Variants in NAV2 observed in about 807,000 individuals in gnomAD.
NAV2 encodes neuron navigator 2, also known as helicase, APC down-regulated 1.
In NAV2, 54 loss-of-function variants were observed where a neutral mutation model predicts 223.2. The observed-to-expected ratio is 0.24, with a 90% CI of 0.19 to 0.30. The LOEUF (loss-of-function observed/expected upper bound fraction) is 0.30, where lower values mean the gene tolerates loss of function less well. Ranked by LOEUF, NAV2 falls within the 10% of genes least tolerant of loss-of-function variation. The pLI is 1.00. For missense variants in NAV2, 2,806 were observed against 3,147.5 expected, an observed-to-expected ratio of 0.89 and a Z score of 2.60; for synonymous variants, 1,279 against 1,239.3, an observed-to-expected ratio of 1.03 and a Z score of -0.67.
intron 1 of NAV2, among the ~76,000 whole-genome samples, chr11:19,740,572 AAT>A (rs1000853715): frequency 6.6e-6 from 1 of 152,164 alleles, no homozygotes; most frequent in African/African-American, 2.4e-5. Flanking sequence ...ACTAAAAAAA[AAT>A]AAAAATAAAA....
chr11:19,563,108 A>T (rs1467095160), intron 1 of NAV2, among the ~76,000 whole-genome samples: 2 of 152,236 alleles, frequency 1.3e-5, no homozygotes, highest in Non-Finnish European at 2.9e-5. Context: ...TCAGGAAAAC[A>T]AAAGAAATAC....
intron 1 of NAV2, among the ~76,000 whole-genome samples, chr11:19,564,230 G>A (rs2045193236): frequency 6.6e-6 from 1 of 152,200 alleles, no homozygotes. Flanking sequence ...AGGGCATAGC[G>A]CTGGTGATCC....
At chr11:19,885,664 A>G (rs2403541) in intron 5 of NAV2, among the ~76,000 whole-genome samples, 1 of 152,230 alleles carries the variant, frequency 6.6e-6, no homozygotes, top group Non-Finnish European at 1.5e-5. Context: ...TTTAGTATAC[A>G]TATCTATAGG....
intron 30 of NAV2, 27 bp downstream of exon 30, chr11:20,095,794 G>A (rs748052662): frequency 6.5e-7 from 1 of 1,545,740 alleles, no homozygotes. Flanking sequence ...AACGGCTACA[G>A]CATACTACCT....
intron 1 of NAV2, among the ~76,000 whole-genome samples, chr11:19,539,725 G>C (rs956832945): frequency 6.6e-5 from 10 of 152,122 alleles, no homozygotes; most frequent in African/African-American, 9.7e-5. Flanking sequence ...GAATGTCATG[G>C]ACATTTTGAA....
At chr11:19,609,860 G>T (rs1339940752) in intron 1 of NAV2, among the ~76,000 whole-genome samples, 1 of 152,204 alleles carries the variant, frequency 6.6e-6, no homozygotes, top group Non-Finnish European at 1.5e-5. Context: ...GCCAAGACTG[G>T]ACCTCTGTTT....
intron 1 of NAV2, among the ~76,000 whole-genome samples, chr11:19,825,675 T>C (rs1412879533): frequency 2.0e-5 from 3 of 152,234 alleles, no homozygotes; most frequent in African/African-American, 4.8e-5. Flanking sequence ...TGAGGGCTAA[T>C]TGCAGTATAA....
rs375998501 is a variant in NAV2, at chr11:19,948,893, C to T, written c.2458C>T (p.Arg820Cys). Residue 820 changes from arginine (R) to cysteine (C), a missense_variant, in exon 10 of 38, where the codon CGC (arginine) becomes TGC (cysteine). Around this residue, in one of 4 missense-constraint regions of NAV2, gnomAD observed 1,167 missense variants for 1,180.5 expected, o/e 0.99. Coordinates refer to ENST00000349880, the MANE Select transcript of NAV2 (RefSeq NM_145117.5). ...ASRFINTESG[R>C]YVYSAPLRRQ... ...CAGGTTCATCAACACTGAGTCAGGTCGCTATGTGTACTCCGCCCCTCTGAG... is the reference window on the plus strand; with the variant it reads ...CAGGTTCATCAACACTGAGTCAGGTTGCTATGTGTACTCCGCCCCTCTGAG... 19 of 1,613,872 alleles carry T rather than the reference C, an allele frequency of 1.2e-5. No individual in the cohort carries two copies. The African/African-American group carries it at 1.7e-4, about 15-fold the overall frequency.
intron 1 of NAV2, among the ~76,000 whole-genome samples, chr11:19,469,006 C>T (rs1276693493): frequency 6.6e-6 from 1 of 152,170 alleles, no homozygotes; most frequent in Non-Finnish European, 1.5e-5. Flanking sequence ...CTTAGGTTCT[C>T]ATGATTAATC....
At chr11:20,075,736 T>A (rs925195688) in intron 22 of NAV2, among the ~76,000 whole-genome samples, 1 of 152,104 alleles carries the variant, frequency 6.6e-6, no homozygotes, top group African/African-American at 2.4e-5. Flanking sequence ...GATTGAAATG[T>A]CACTGTGCCT....
At position 19,401,824 on chromosome 11, in the gene NAV2, T is replaced by A. The variant is rs546945238; in HGVS notation, c.75+50797T>A. 4 of 152,338 alleles carry A rather than the reference T, an allele frequency of 2.6e-5. No homozygotes were observed. In the South Asian group the frequency reaches 8.3e-4, roughly 32 times the overall value. 9.4% of individuals were successfully genotyped at this position (152,338 alleles called of 1,614,324 possible). A position where few individuals can be genotyped will look rare whatever the true frequency, so the allele number is the denominator to read the frequency against. ...GCACTCCTTTGGGGCCACAGACCAC[T>A]CTGAAAATTTAATTTAAATTGCAGT... On this transcript the variant is annotated intron_variant, in intron 1 of 37. Transcript: ENST00000360655.
intron 36 of NAV2, among the ~76,000 whole-genome samples, chr11:20,110,229 A>G (rs1041498917): frequency 4.6e-5 from 7 of 152,210 alleles, no homozygotes; most frequent in African/African-American, 1.7e-4. Flanking sequence ...GGAGCTGCAA[A>G]GGGAGGCGGC....
chr11:19,386,076 A>G (rs1849033255), intron 1 of NAV2, among the ~76,000 whole-genome samples: 1 of 152,138 alleles, frequency 6.6e-6, no homozygotes, highest in Non-Finnish European at 1.5e-5. Flanking sequence ...ATATAGCTCC[A>G]TTTTTGACCC....
At chr11:19,616,304 CTGTGTGTGTGTGTG>C (rs113035353) in intron 1 of NAV2, among the ~76,000 whole-genome samples, 1 of 140,630 alleles carries the variant, frequency 7.1e-6, no homozygotes, top group East Asian at 2.1e-4. Context: ...TTGCTTCTGA[CTGTGTGTGTGTGTG>C]TGTGTGTGTG....
intron 1 of NAV2, among the ~76,000 whole-genome samples, chr11:19,552,677 T>C (rs985629605): frequency 2.0e-5 from 3 of 152,198 alleles, no homozygotes; most frequent in African/African-American, 7.2e-5. Flanking sequence ...ACAGACATTA[T>C]AGGCATTTTG....
chr11:20,043,353 A>G (rs1591808033), intron 12 of NAV2, among the ~76,000 whole-genome samples: 1 of 152,216 alleles, frequency 6.6e-6, no homozygotes, highest in East Asian at 1.9e-4. Context: ...TTCCCACTGC[A>G]TCTCCATCTG....
At chr11:20,003,316 T>C (rs2052737055) in intron 11 of NAV2, among the ~76,000 whole-genome samples, 2 of 152,204 alleles carry the variant, frequency 1.3e-5, no homozygotes, top group South Asian at 4.1e-4. Context: ...GTCTATTTTA[T>C]CTGCATATCC....
chr11:19,948,035 G>A (rs1056519394), intron 9 of NAV2, among the ~76,000 whole-genome samples: 1 of 152,058 alleles, frequency 6.6e-6, no homozygotes, highest in Non-Finnish European at 1.5e-5. Context: ...ATCCTAATCA[G>A]TTCAGCATTT....
intron 6 of NAV2, among the ~76,000 whole-genome samples, chr11:19,911,017 C>T (rs1004438117): frequency 1.3e-5 from 2 of 149,754 alleles, no homozygotes; most frequent in African/African-American, 5.0e-5. Context: ...ACAGTATCAT[C>T]ATTTTGCAAG....
Sources: gnomAD v4.1 joint callset for allele counts (sites outside exome capture counted in the v4.1 genomes callset) on GRCh38, gnomAD v4.1.1 for gene constraint, gnomAD v4.1.1 regional missense constraint, MANE v1.5 for transcripts, NCBI Gene and HGNC (gene_info 2026-07-23, HGNC 2026-07-21) for gene names.